Variants in BTNL3 observed in about 807,000 individuals in gnomAD.
The protein encoded by BTNL3 is butyrophilin like 3, also known as butyrophilin-like protein 3.
A neutral mutation model predicts 40.1 loss-of-function variants in BTNL3; 20 were observed. The ratio of observed to expected loss-of-function variants is 0.50; its 90% CI spans 0.35 to 0.72. The LOEUF is 0.72. Ranked by LOEUF, BTNL3 falls within the 30% of genes least tolerant of loss-of-function variation. The pLI is 0.01. For synonymous variants in BTNL3, 179 were observed against 222.1 expected (o/e 0.81, Z 1.73); for missense variants, 449 against 582.2 (o/e 0.77, Z 2.35).
Position 181,003,846 on chromosome 5 carries a change from T to G in BTNL3, c.788-10T>G. 1 of 1,614,176 alleles carries G rather than the reference T, an allele frequency of 6.2e-7. No homozygotes were observed. Among genetic ancestry groups the G allele is most frequent in the Non-Finnish European group, 8.5e-7 (1 of 1,180,030 alleles). On this transcript the variant is annotated splice_polypyrimidine_tract_variant and intron_variant, in intron 4 of 7. Transcript: ENST00000342868. ...TGTGTCCACCACTGAATATACTGTT[T>G]CTGTTTCAGGGAAAATCCAGGCGGA... is the stretch of plus-strand genomic sequence containing the variant.
In BTNL3 at chr5:181,001,897, T is replaced by C. The variant is rs527675265; in HGVS notation, c.674-775T>C. 4.6e-5 allele frequency among the ~76,000 whole-genome samples: 6 copies of C among 129,950 alleles called. 2 individuals carry two copies. The highest frequency in any genetic ancestry group is 2.3e-4 in the South Asian group (1 of 4,384). The allele number at this position is 129,950 out of a possible 152,430, so 85.3% of individuals were successfully genotyped here. ...CAAAGAAATCTAAAGGAGAAAAGAA[T>C]AAACATTACCTTTAAAAAAAAAAAG... is the stretch of plus-strand genomic sequence containing the variant. On this transcript the variant is annotated intron_variant, in intron 3 of 7. Transcript: ENST00000342868.
chr5:180,992,666 G>A lies in BTNL3; in HGVS notation c.50-147G>A, dbSNP rs1759983987. The A allele has an allele frequency of 1.9e-6, 2 of 1,031,662 alleles. 1 individual carries two copies. Among genetic ancestry groups the A allele is most frequent in the Admixed American group, 5.9e-5 (2 of 33,756 alleles). The allele number at this position is 1,031,662 out of a possible 1,614,324, so 63.9% of individuals were successfully genotyped here. A position where few individuals can be genotyped will look rare whatever the true frequency, so the allele number is the denominator to read the frequency against. The stretch of plus-strand genomic sequence containing the variant: ...AACTGACATGGAAGCATTCTCGCAA[G>A]TGTAAGATGTGCAAATGCAAGTCAT... On this transcript the variant is annotated intron_variant, in intron 1 of 7. Transcript: ENST00000342868.
rs112763572 is a variant in BTNL3, at chr5:181,000,092, A to G, written c.674-2580A>G. Among the ~76,000 whole-genome samples the G allele has an allele frequency of 7.9e-3, 1,076 of 136,872 alleles. 110 individuals carry two copies. The highest frequency in any genetic ancestry group is 0.025 in the African/African-American group (1,007 of 39,852). The allele number at this position is 136,872 out of a possible 152,430, so 89.8% of individuals were successfully genotyped here. On this transcript the variant is annotated intron_variant, in intron 3 of 7. Transcript: ENST00000342868. ...AGAGAAATGGGCAATTCAAAAAAGG[A>G]AAAATTTTTACCAACATTACTCATA...
chr5:180,994,490 A>T (rs564460815), intron 2 of BTNL3, among the ~76,000 whole-genome samples: 1 of 136,482 alleles, frequency 7.3e-6, no homozygotes, highest in South Asian at 2.2e-4. Context: ...AAATTTAATT[A>T]TGATCTATCA....
At chr5:180,994,813 C>T (rs1305678063) in intron 2 of BTNL3, among the ~76,000 whole-genome samples, 2 of 129,304 alleles carry the variant, frequency 1.5e-5, no homozygotes, top group African/African-American at 5.3e-5. Flanking sequence ...GATGGAGTCT[C>T]GCTCTGTCGC....
At position 180,990,951 on chromosome 5, in the gene BTNL3, G is replaced by A. The variant is rs1161594330; in HGVS notation, c.50-1862G>A. 1.5e-5 allele frequency among the ~76,000 whole-genome samples: 2 copies of A among 137,364 alleles called. 1 individual carries two copies. The highest frequency in any genetic ancestry group is 3.3e-5 in the Non-Finnish European group (2 of 59,896). The allele number at this position is 137,364 out of a possible 152,430, so 90.1% of individuals were successfully genotyped here. On this transcript the variant is annotated intron_variant, in intron 1 of 7. Coordinates refer to ENST00000342868, the MANE Select transcript of BTNL3 (RefSeq NM_197975.3). ...CACTGCTTCCTGTTCCCCACTGGGT[G>A]AGATGTGCCCCTCCGGGACTATTAA...
chr5:180,991,855 G>T (rs1328746346), intron 1 of BTNL3, among the ~76,000 whole-genome samples: 1 of 136,860 alleles, frequency 7.3e-6, no homozygotes, highest in South Asian at 2.2e-4. Flanking sequence ...TAGAGTGGGG[G>T]TGTCCAATCT....
In BTNL3 at chr5:181,005,450, AGGAAGAGTGT is replaced by A. The variant is rs1760206784; in HGVS notation, c.982_991del (p.Lys328TrpfsTer21). On this transcript the variant is annotated frameshift_variant, in exon 8 of 8. Coordinates refer to ENST00000342868, the MANE Select transcript of BTNL3 (RefSeq NM_197975.3). LOFTEE classifies it low-confidence loss of function (END_TRUNC). The stretch of plus-strand genomic sequence containing the variant: ...GCCTCACTCTGAGAAGAGATTTACA[AGGAAGAGTGT>A]GGTGGCTTCTCAGGGTTTCCAAGCA... 1 of 1,614,028 alleles carries A rather than the reference AGGAAGAGTGT, an allele frequency of 6.2e-7. No homozygotes were observed. Among genetic ancestry groups the A allele is most frequent in the African/African-American group, 1.3e-5 (1 of 74,902 alleles).
chr5:180,996,101 A>G (rs1760032557), intron 2 of BTNL3, among the ~76,000 whole-genome samples: 1 of 136,444 alleles, frequency 7.3e-6, no homozygotes, highest in Admixed American at 7.8e-5. Context: ...TCAGAGAGGA[A>G]GTTCTGTTTG....
Position 180,997,493 on chromosome 5 carries a change from G to A in BTNL3, c.673+5G>A. ...AATCCAAGGTATTGATAGGAGGTGA[G>A]TGGGGAGAAGGAGGAGCAAGGAATG... On this transcript the variant is annotated splice_donor_5th_base_variant and intron_variant, in intron 3 of 7. Transcript: ENST00000342868. 1.4e-6 allele frequency: 2 copies of A among 1,463,624 alleles called. No individual in the cohort carries two copies. The highest frequency in any genetic ancestry group is 1.9e-6 in the Non-Finnish European group (2 of 1,059,052). The allele number at this position is 1,463,624 out of a possible 1,614,324, so 90.7% of individuals were successfully genotyped here. A position where few individuals can be genotyped will look rare whatever the true frequency, so the allele number is the denominator to read the frequency against.
At chr5:180,996,045 G>T (rs1760031867) in intron 2 of BTNL3, among the ~76,000 whole-genome samples, 1 of 136,020 alleles carries the variant, frequency 7.4e-6, no homozygotes, top group Non-Finnish European at 1.7e-5. Flanking sequence ...CATTTATTAG[G>T]CTCCATGCAC....
rs1760064739 is a variant in BTNL3, at chr5:180,998,625, G to A, written c.673+1137G>A. Among the ~76,000 whole-genome samples, 2 of 136,820 alleles carry A rather than the reference G, an allele frequency of 1.5e-5. 1 individual carries two copies. The highest frequency in any genetic ancestry group is 5.0e-5 in the African/African-American group (2 of 39,750). 89.8% of individuals were successfully genotyped at this position (136,820 alleles called of 152,430 possible). Reference sequence around the variant, plus strand: ...TTTCAGACATAGATATCATGCACATGAAATTCTCTAATCATAATTTAATAA... The same window carrying A: ...TTTCAGACATAGATATCATGCACATAAAATTCTCTAATCATAATTTAATAA... On this transcript the variant is annotated intron_variant, in intron 3 of 7. Coordinates refer to ENST00000342868, the MANE Select transcript of BTNL3 (RefSeq NM_197975.3).
intron 7 of BTNL3, 119 bp downstream of exon 7, chr5:181,004,881 C>A: frequency 6.3e-7 from 1 of 1,577,782 alleles, no homozygotes; most frequent in Non-Finnish European, 8.7e-7. Context: ...CCCCAGGGTG[C>A]AGCTGCCTCT....
At chr5:180,990,191 G>C (rs180939874) in intron 1 of BTNL3, among the ~76,000 whole-genome samples, 1 of 136,458 alleles carries the variant, frequency 7.3e-6, no homozygotes, top group Admixed American at 7.7e-5. Context: ...CACAATCCAC[G>C]TATGTTACTC....
intron 7 of BTNL3, among the ~76,000 whole-genome samples, chr5:181,004,974 GA>G (rs1387710850): frequency 6.6e-6 from 1 of 152,142 alleles, no homozygotes; most frequent in East Asian, 1.9e-4. Flanking sequence ...AGACGCCAGG[GA>G]ACTGAGGGCA....
rs1468570079 is a variant in BTNL3, at chr5:181,005,727, C to T, written c.1256C>T (p.Ser419Phe). The T allele has an allele frequency of 1.2e-6, 2 of 1,614,026 alleles. No individual in the cohort carries two copies. The highest frequency in any genetic ancestry group is 1.1e-5 in the South Asian group (1 of 91,068). ...CTGGACTATGAGGGTGGGACCATCT[C>T]CTTCTTCAATACAAATGACCAGTCC... ...VFLDYEGGTI[S>F]FFNTNDQSLI... The change falls in exon 8 of 8, where the codon TCC (serine) becomes TTC (phenylalanine). Residue 419 changes from serine to phenylalanine, a missense_variant. Ser to Phe is a radical substitution (Grantham distance 155). Coordinates refer to ENST00000342868, the MANE Select transcript of BTNL3 (RefSeq NM_197975.3).
chr5:180,988,930 G>C lies in BTNL3; in HGVS notation c.-99G>C, dbSNP rs1320678463. 4.7e-6 allele frequency: 6 copies of C among 1,285,820 alleles called. 2 individuals carry two copies. The highest frequency in any genetic ancestry group is 6.4e-6 in the Non-Finnish European group (6 of 931,918). 79.7% of individuals were successfully genotyped at this position (1,285,820 alleles called of 1,614,324 possible). A position where few individuals can be genotyped will look rare whatever the true frequency, so the allele number is the denominator to read the frequency against. ...CATCGTTCATGAAGAGCCTCTCCACGGCTCCTGCGCCTGAGACAGCTGGCC... is the reference window on the plus strand; with the variant it reads ...CATCGTTCATGAAGAGCCTCTCCACCGCTCCTGCGCCTGAGACAGCTGGCC... On this transcript the variant is annotated 5_prime_UTR_variant, in exon 1 of 8. Transcript: ENST00000342868.
At position 181,005,644 on chromosome 5, in the gene BTNL3, CA is replaced by C; in HGVS notation, c.1175del (p.Asn392IlefsTer16). The C allele has an allele frequency of 6.2e-7, 1 of 1,614,028 alleles. No homozygotes were observed. The highest frequency in any genetic ancestry group is 8.5e-7 in the Non-Finnish European group (1 of 1,179,996). On this transcript the variant is annotated frameshift_variant, in exon 8 of 8. Transcript: ENST00000342868. LOFTEE classifies it low-confidence loss of function (END_TRUNC). ...LTTEHLYFTF[N>X]PHFISLPPST... ...CAACAGAACATTTGTATTTCACATT[CA>C]ATCCCCATTTTATCAGCCTCCCCCC...
In BTNL3 at chr5:180,994,192, A is replaced by G. The variant is rs1760008070; in HGVS notation, c.397+1032A>G. Among the ~76,000 whole-genome samples, 5 of 137,302 alleles carry G rather than the reference A, an allele frequency of 3.6e-5. 1 individual carries two copies. In the Admixed American group the frequency reaches 3.8e-4, roughly 11 times the overall value. 90.1% of individuals were successfully genotyped at this position (137,302 alleles called of 152,430 possible). ...TCTATTGCTTTTCTTCTTTCCTAAT[A>G]TTCCAAGATTCTTTCTTTTATCATT... On this transcript the variant is annotated intron_variant, in intron 2 of 7. Transcript: ENST00000342868.
Sources: allele counts gnomAD v4.1 joint callset (sites outside exome capture counted in the v4.1 genomes callset), GRCh38; gene constraint gnomAD v4.1.1; transcripts MANE v1.5; gene names NCBI Gene and HGNC (gene_info 2026-07-23, HGNC 2026-07-21).